ZNF670: variants seen among roughly 807,000 people sequenced by gnomAD.
ZNF670 encodes zinc finger protein 670.
In ZNF670, 7 loss-of-function variants were observed where a neutral mutation model predicts 10.9. The observed-to-expected ratio is 0.64, with a 90% CI of 0.36 to 1.20. The LOEUF (loss-of-function observed/expected upper bound fraction) is 1.20. ZNF670 is among the 50% of genes most tolerant of loss of function. The pLI is 0.02. For missense variants in ZNF670, 446 were observed against 458.6 expected (o/e 0.97, Z 0.25); for synonymous variants, 136 against 152.7 (o/e 0.89, Z 0.81).
rs1363958730 is a variant in ZNF670 at position 247,077,296 on chromosome 1, A to T, written c.3+1298T>A. On this transcript the variant is annotated intron_variant, in intron 1 of 3. Coordinates refer to ENST00000366503, the MANE Select transcript of ZNF670 (RefSeq NM_033213.5). ...GAGAGGCTCTACTTCCATATTTTAA[A>T]CTGTCCTCTGTGAGGAGATGACCCA... 3.9e-5 allele frequency among the ~76,000 whole-genome samples: 6 copies of T among 152,096 alleles called. No individual in the cohort carries two copies. In the East Asian group the frequency reaches 1.2e-3, roughly 29 times the overall value.
At chr1:247,077,572 A>G (rs1671282491) in intron 1 of ZNF670, among the ~76,000 whole-genome samples, 1 of 152,208 alleles carries the variant, frequency 6.6e-6, no homozygotes, top group South Asian at 2.1e-4. Context: ...GTTCAGAAAT[A>G]TTTTAAGAGT....
At chr1:247,067,613 C>T (rs1288831610) in intron 1 of ZNF670, among the ~76,000 whole-genome samples, 8 of 149,930 alleles carry the variant, frequency 5.3e-5, no homozygotes, top group African/African-American at 1.7e-4. Context: ...GAGGCCGAGG[C>T]GGGCGGATCA....
intron 1 of ZNF670, among the ~76,000 whole-genome samples, chr1:247,046,099 G>A (rs1202205822): frequency 6.6e-6 from 1 of 152,152 alleles, no homozygotes; most frequent in Non-Finnish European, 1.5e-5. Flanking sequence ...ACAATCAGAA[G>A]TGATTTAAAG....
rs571121291 is a variant in ZNF670 at position 247,057,381 on chromosome 1, T to C, written c.4-17844A>G. On this transcript the variant is annotated intron_variant, in intron 1 of 3. Coordinates refer to ENST00000366503, the MANE Select transcript of ZNF670 (RefSeq NM_033213.5). Reference sequence around the variant, plus strand: ...TAGAGATAAGGGAACCCTGGTATAGTGGTTGTGGAAATGTAAATTAGTACA... The same window carrying C: ...TAGAGATAAGGGAACCCTGGTATAGCGGTTGTGGAAATGTAAATTAGTACA... 4.3e-4 allele frequency among the ~76,000 whole-genome samples: 65 copies of C among 152,318 alleles called. No homozygotes were observed. The South Asian group carries it at 0.013, about 31-fold the overall frequency.
chr1:247,037,302 T>C lies in ZNF670; in HGVS notation c.*147A>G, dbSNP rs1459843512. On this transcript the variant is annotated 3_prime_UTR_variant, in exon 4 of 4. Coordinates refer to ENST00000366503, the MANE Select transcript of ZNF670 (RefSeq NM_033213.5). ...AAGTTTTAGAAGGGAACTAGGAAAATTGCATACATTCTAATCTTCCTTACA... is the reference window on the plus strand; with the variant it reads ...AAGTTTTAGAAGGGAACTAGGAAAACTGCATACATTCTAATCTTCCTTACA... 11 of 980,842 alleles carry C rather than the reference T, an allele frequency of 1.1e-5. No individual in the cohort carries two copies. The African/African-American group carries it at 1.8e-4, about 16-fold the overall frequency. 60.8% of individuals were successfully genotyped at this position (980,842 alleles called of 1,614,324 possible). A position where few individuals can be genotyped will look rare whatever the true frequency, so the allele number is the denominator to read the frequency against.
chr1:247,052,112 T>C (rs1670612125), intron 1 of ZNF670, among the ~76,000 whole-genome samples: 1 of 152,144 alleles, frequency 6.6e-6, no homozygotes, highest in Admixed American at 6.5e-5. Context: ...TTCTTCTTAG[T>C]TTGCATCCAC....
intron 1 of ZNF670, among the ~76,000 whole-genome samples, chr1:247,050,521 G>A (rs1670567022): frequency 1.3e-5 from 2 of 150,928 alleles, no homozygotes; most frequent in Non-Finnish European, 2.9e-5. Context: ...TGTCACCCAG[G>A]CTGGAGTGCA....
In ZNF670 at chr1:247,078,728, A is replaced by C. The variant is rs895628656; in HGVS notation, c.-132T>G. The C allele has an allele frequency of 1.5e-5, 15 of 985,368 alleles. No individual in the cohort carries two copies. The East Asian group carries it at 3.9e-4, about 26-fold the overall frequency. The allele number at this position is 985,368 out of a possible 1,614,324, so 61.0% of individuals were successfully genotyped here. The stretch of plus-strand genomic sequence containing the variant: ...GGGAAGGAGCAGCGGAGACGCACCG[A>C]GCTCGCCACATTCGCGCTGCCCAAC... On this transcript the variant is annotated 5_prime_UTR_variant, in exon 1 of 4. Transcript: ENST00000366503.
intron 1 of ZNF670, among the ~76,000 whole-genome samples, chr1:247,072,147 G>C (rs1381313295): frequency 2.0e-5 from 3 of 149,272 alleles, no homozygotes; most frequent in African/African-American, 7.4e-5. Flanking sequence ...GTCAGCCACT[G>C]CGCCCAGCCA....
intron 2 of ZNF670, 31 bp downstream of exon 2, chr1:247,039,380 C>T (rs754595675): frequency 1.3e-6 from 2 of 1,597,634 alleles, no homozygotes; most frequent in South Asian, 2.3e-5. Context: ...GCGTTGTAAT[C>T]AACTACGTGA....
At position 247,071,722 on chromosome 1, in the gene ZNF670, A is replaced by G. The variant is rs539203920; in HGVS notation, c.3+6872T>C. 1.9e-4 allele frequency among the ~76,000 whole-genome samples: 29 copies of G among 152,340 alleles called. No individual in the cohort carries two copies. In the South Asian group the frequency reaches 3.1e-3, roughly 16 times the overall value. On this transcript the variant is annotated intron_variant, in intron 1 of 3. Transcript: ENST00000366503. ...AGTAATATGAAACCTTTTATACCGT[A>G]CATTATTTATACTGTTATTTTTTAA...
rs147703664 is a variant in ZNF670 at position 247,060,475 on chromosome 1, A to G, written c.3+18119T>C. On this transcript the variant is annotated intron_variant, in intron 1 of 3. Transcript: ENST00000366503. Reference sequence around the variant, plus strand: ...AGAATAAACTCAACATAGATTATAAACTGAAATGTGAAACAGAAAATTTAG... The same window carrying G: ...AGAATAAACTCAACATAGATTATAAGCTGAAATGTGAAACAGAAAATTTAG... 4.6e-5 allele frequency among the ~76,000 whole-genome samples: 7 copies of G among 152,354 alleles called. No homozygotes were observed. In the East Asian group the frequency reaches 1.3e-3, roughly 29 times the overall value.
chr1:247,067,438 A>C (rs1322607813), intron 1 of ZNF670, among the ~76,000 whole-genome samples: 3 of 150,286 alleles, frequency 2.0e-5, no homozygotes, highest in Non-Finnish European at 4.4e-5. Flanking sequence ...CCCGTCTCAA[A>C]AAAAAAAAAA....
chr1:247,040,189 TACA>T (rs1670271744), intron 1 of ZNF670, among the ~76,000 whole-genome samples: 1 of 152,200 alleles, frequency 6.6e-6, no homozygotes, highest in Non-Finnish European at 1.5e-5. Context: ...CATATGCTGT[TACA>T]ACTTGTTAAC....
In ZNF670 at chr1:247,078,605, C is replaced by G; in HGVS notation, c.-9G>C. ...GCCGGCACACTCACCATTTCCCAGT[C>G]TCCGGTGTCTGGGGTCCTCCCTAAG... On this transcript the variant is annotated 5_prime_UTR_variant, in exon 1 of 4. Coordinates refer to ENST00000366503, the MANE Select transcript of ZNF670 (RefSeq NM_033213.5). 1 of 1,613,928 alleles carries G rather than the reference C, an allele frequency of 6.2e-7. No individual in the cohort carries two copies. Among genetic ancestry groups the G allele is most frequent in the East Asian group, 2.2e-5 (1 of 44,834 alleles).
Position 247,078,703 on chromosome 1 carries a change from G to A in ZNF670, c.-107C>T, listed in dbSNP as rs1558350869. On this transcript the variant is annotated 5_prime_UTR_variant, in exon 1 of 4. Coordinates refer to ENST00000366503, the MANE Select transcript of ZNF670 (RefSeq NM_033213.5). ...ACCACTTGGACCTCCCAGGGATAAG[G>A]GGAAGGAGCAGCGGAGACGCACCGA... 7.8e-7 allele frequency: 1 copy of A among 1,287,510 alleles called. No homozygotes were observed. Among genetic ancestry groups the A allele is most frequent in the East Asian group, 2.4e-5 (1 of 41,730 alleles). The allele number at this position is 1,287,510 out of a possible 1,614,324, so 79.8% of individuals were successfully genotyped here.
Position 247,037,585 on chromosome 1 carries a change from G to A in ZNF670, c.1034C>T (p.Ser345Leu), listed in dbSNP as rs770892784. 1.9e-5 allele frequency: 31 copies of A among 1,613,948 alleles called. No homozygotes were observed. Among genetic ancestry groups the A allele is most frequent in the East Asian group, 1.1e-4 (5 of 44,886 alleles). ...TCGAAGGGCACTGGAAGAAGTAAACGACTTACCACATTCCTTACATCCATA... is the reference window on the plus strand; with the variant it reads ...TCGAAGGGCACTGGAAGAAGTAAACAACTTACCACATTCCTTACATCCATA... ...KPYGCKECGKSFTSSSALRSH... is the reference protein window; with the variant it reads ...KPYGCKECGKLFTSSSALRSH... Residue 345 changes from serine to leucine, a missense_variant, in exon 4 of 4, where the codon TCG becomes TTG. Transcript: ENST00000366503.
chr1:247,062,713 C>T (rs1670886020), intron 1 of ZNF670, among the ~76,000 whole-genome samples: 1 of 152,246 alleles, frequency 6.6e-6, no homozygotes, highest in South Asian at 2.1e-4. Flanking sequence ...TTCACCACGT[C>T]ACTGGGGTGG....
At chr1:247,065,422 C>T (rs752931758) in intron 1 of ZNF670, among the ~76,000 whole-genome samples, 4 of 152,046 alleles carry the variant, frequency 2.6e-5, no homozygotes, top group Admixed American at 6.5e-5. Flanking sequence ...ATAACATGCC[C>T]TTCTGTCTTC....
Sources: gnomAD v4.1 joint callset for allele counts (sites outside exome capture counted in the v4.1 genomes callset) on GRCh38, gnomAD v4.1.1 for gene constraint, MANE v1.5 for transcripts, NCBI Gene and HGNC (gene_info 2026-07-23, HGNC 2026-07-21) for gene names.